The following LMO7 variants were observed in gnomAD, a reference collection of about 807,000 sequenced individuals.
LMO7 encodes the protein LIM domain 7, also known as LIM domain only protein 7.
In LMO7, 120 loss-of-function variants were observed where a neutral mutation model predicts 206.5. That is an observed-to-expected ratio of 0.58 (90% CI 0.50 to 0.68). The LOEUF is 0.68. LMO7 is among the 30% of genes least tolerant of loss of function. The pLI is 0.00. For synonymous variants in LMO7, 706 were observed against 681.5 expected (o/e 1.04, Z -0.56); for missense variants, 1,959 against 1,957.9 (o/e 1.00, Z -0.01).
chr13:75,673,989 T>C (rs1203736345), intron 1 of LMO7, among the ~76,000 whole-genome samples: 1 of 152,226 alleles, frequency 6.6e-6, no homozygotes, highest in Non-Finnish European at 1.5e-5. Context: ...ATTTAAATCA[T>C]AGTTCTAGTT....
chr13:75,649,916 A>G (rs1227900225), intron 1 of LMO7, among the ~76,000 whole-genome samples: 1 of 152,174 alleles, frequency 6.6e-6, no homozygotes, highest in Non-Finnish European at 1.5e-5. Context: ...TTCTGAGATT[A>G]TTTCTCCTTT....
At chr13:75,825,935 TTC>T (rs2058073191) in intron 15 of LMO7, among the ~76,000 whole-genome samples, 1 of 152,194 alleles carries the variant, frequency 6.6e-6, no homozygotes, top group African/African-American at 2.4e-5. Context: ...CAGGTCATTT[TTC>T]TCTTTCATAC....
chr13:75,731,316 T>C (rs1023870936), intron 3 of LMO7, among the ~76,000 whole-genome samples: 2 of 152,198 alleles, frequency 1.3e-5, no homozygotes, highest in Non-Finnish European at 2.9e-5. Flanking sequence ...GGTGCTCCTG[T>C]ATTGGGTGCA....
At chr13:75,715,167 T>G (rs1481909977) in intron 2 of LMO7, among the ~76,000 whole-genome samples, 1 of 152,198 alleles carries the variant, frequency 6.6e-6, no homozygotes, top group East Asian at 1.9e-4. Context: ...AGGTTTTGAT[T>G]TAAAATGCAA....
chr13:75,661,074 C>G (rs2139257779), intron 1 of LMO7, among the ~76,000 whole-genome samples: 1 of 152,320 alleles, frequency 6.6e-6, no homozygotes, highest in South Asian at 2.1e-4. Flanking sequence ...TTATCTCCAG[C>G]AGTAATTCTT....
At chr13:75,856,434 C>T (rs2060958861) in intron 29 of LMO7, 72 bp from the exon 30 acceptor site, 3 of 859,616 alleles carry the variant, frequency 3.5e-6, no homozygotes, top group African/African-American at 1.7e-5. Context: ...TCATTTCCCC[C>T]CCACCCCCAG....
intron 4 of LMO7, among the ~76,000 whole-genome samples, chr13:75,767,541 T>G (rs2049057770): frequency 6.6e-6 from 1 of 152,004 alleles, no homozygotes; most frequent in African/African-American, 2.4e-5. Context: ...TTTTTACCTT[T>G]GTCTAGTATT....
At chr13:75,776,702 T>C (rs1432611481) in intron 4 of LMO7, among the ~76,000 whole-genome samples, 2 of 152,278 alleles carry the variant, frequency 1.3e-5, no homozygotes, top group Non-Finnish European at 1.5e-5. Context: ...AGGTAATACA[T>C]GGGAACATCT....
At chr13:75,780,104 T>C (rs1424200767) in intron 4 of LMO7, among the ~76,000 whole-genome samples, 1 of 152,042 alleles carries the variant, frequency 6.6e-6, no homozygotes, top group African/African-American at 2.4e-5. Flanking sequence ...CAGGGCAAGG[T>C]CACAAGGCCA....
At chr13:75,682,933 G>A (rs111674208) in intron 1 of LMO7, among the ~76,000 whole-genome samples, 1,796 of 152,210 alleles carry the variant, frequency 0.012, 40 homozygotes, top group African/African-American at 0.039. Flanking sequence ...ATGTATCTTC[G>A]ATGAAGTGTC....
chr13:75,820,737 G>C (rs928848159), intron 13 of LMO7, among the ~76,000 whole-genome samples: 2 of 152,184 alleles, frequency 1.3e-5, no homozygotes, highest in African/African-American at 2.4e-5. Flanking sequence ...GCTCATGCCT[G>C]TAATCCCAGC....
At chr13:75,745,119 AG>A (rs1179197350) in intron 3 of LMO7, among the ~76,000 whole-genome samples, 1 of 152,156 alleles carries the variant, frequency 6.6e-6, no homozygotes, top group Non-Finnish European at 1.5e-5. Context: ...TTTGATCAGG[AG>A]CCTGGAGTGG....
chr13:75,803,035 A>G (rs2054974000), intron 7 of LMO7, among the ~76,000 whole-genome samples: 2 of 152,194 alleles, frequency 1.3e-5, no homozygotes, highest in Admixed American at 1.3e-4. Context: ...TTCCACATGT[A>G]TGGATTTCGG....
intron 11 of LMO7, chr13:75,816,918 T>G (rs1226937309): frequency 6.8e-6 from 2 of 292,840 alleles, no homozygotes; most frequent in African/African-American, 2.2e-5. Flanking sequence ...TGTTTGTTTG[T>G]TTTTTTTGAG....
At chr13:75,654,188 G>T (rs2037832312) in intron 1 of LMO7, among the ~76,000 whole-genome samples, 1 of 152,300 alleles carries the variant, frequency 6.6e-6, no homozygotes, top group East Asian at 1.9e-4. Flanking sequence ...AAATCTGTAG[G>T]AGACTCTACA....
At chr13:75,799,337 C>T (rs780613177) in intron 6 of LMO7, among the ~76,000 whole-genome samples, 2 of 152,196 alleles carry the variant, frequency 1.3e-5, no homozygotes, top group African/African-American at 2.4e-5. Context: ...CAGATATGCA[C>T]CGTCTGGTTC....
intron 13 of LMO7, 40 bp downstream of exon 13, chr13:75,819,575 A>G: frequency 6.6e-7 from 1 of 1,520,392 alleles, no homozygotes; most frequent in Non-Finnish European, 8.8e-7. Context: ...ACAGGGTTGG[A>G]GATGCCAGTG....
intron 1 of LMO7, among the ~76,000 whole-genome samples, chr13:75,655,016 A>G (rs2037919352): frequency 6.6e-6 from 1 of 151,674 alleles, no homozygotes; most frequent in Non-Finnish European, 1.5e-5. Flanking sequence ...GATTACAGGC[A>G]CCTGTCACCA....
intron 3 of LMO7, among the ~76,000 whole-genome samples, chr13:75,727,500 T>G (rs1189013617): frequency 6.6e-6 from 1 of 152,026 alleles, no homozygotes; most frequent in African/African-American, 2.4e-5. Flanking sequence ...GATCCATGTT[T>G]CCTATTTTCT....
Sources: allele counts gnomAD v4.1 joint callset (sites outside exome capture counted in the v4.1 genomes callset), GRCh38; gene constraint gnomAD v4.1.1; transcripts MANE v1.5; gene names NCBI Gene and HGNC (gene_info 2026-07-23, HGNC 2026-07-21).